ALDH18A1: variants seen among roughly 807,000 people sequenced by gnomAD.
ALDH18A1 encodes delta-1-pyrroline-5-carboxylate synthase.
A neutral mutation model predicts 88.8 loss-of-function variants in ALDH18A1; 44 were observed. The ratio of observed to expected loss-of-function variants is 0.50; its 90% CI spans 0.39 to 0.64. The LOEUF (loss-of-function observed/expected upper bound fraction) is 0.64. Ranked by LOEUF, ALDH18A1 falls within the 30% of genes least tolerant of loss-of-function variation. ALDH18A1 has a pLI of 0.00. For missense variants in ALDH18A1, 782 were observed against 1,009.5 expected (o/e 0.77, Z 3.05); for synonymous variants, 331 against 372.1 (o/e 0.89, Z 1.27).
chr10:95,606,638 C>T lies in ALDH18A1; in HGVS notation c.*124G>A. The T allele has an allele frequency of 6.2e-7, 1 of 1,605,720 alleles. No homozygotes were observed. Among genetic ancestry groups the T allele is most frequent in the South Asian group, 1.1e-5 (1 of 90,012 alleles). The stretch of plus-strand genomic sequence containing the variant: ...TTGCCAAACGGAGCCCAGAAGCATC[C>T]AGGTACACTTTCCAACAGGCAGACC... On this transcript the variant is annotated 3_prime_UTR_variant, in exon 18 of 18. Coordinates refer to ENST00000371224, the MANE Select transcript of ALDH18A1 (RefSeq NM_002860.4).
intron 5 of ALDH18A1, among the ~76,000 whole-genome samples, chr10:95,636,009 C>G (rs1463366041): frequency 6.6e-6 from 1 of 152,086 alleles, no homozygotes; most frequent in Non-Finnish European, 1.5e-5. Flanking sequence ...AGAAAAAAAG[C>G]TAAGACTACA....
chr10:95,628,510 G>A lies in ALDH18A1; in HGVS notation c.809-18C>T, dbSNP rs778442273. On this transcript the variant is annotated intron_variant, in intron 7 of 17. Coordinates refer to ENST00000371224, the MANE Select transcript of ALDH18A1 (RefSeq NM_002860.4). ...AAAAAGGCCTAAAAAATAGACAAGAGTCAGTAATACTGCTTTGATGGAAGT... is the reference window on the plus strand; with the variant it reads ...AAAAAGGCCTAAAAAATAGACAAGAATCAGTAATACTGCTTTGATGGAAGT... 1 of 1,611,186 alleles carries A rather than the reference G, an allele frequency of 6.2e-7. No individual in the cohort carries two copies. The highest frequency in any genetic ancestry group is 8.5e-7 in the Non-Finnish European group (1 of 1,179,796).
intron 3 of ALDH18A1, among the ~76,000 whole-genome samples, 166 bp downstream of exon 3, chr10:95,642,826 G>A (rs979425655): frequency 2.0e-5 from 3 of 152,144 alleles, no homozygotes; most frequent in East Asian, 1.9e-4. Flanking sequence ...CTAAGATGTC[G>A]TCTCTCACTG....
At chr10:95,646,925 C>T (rs1485131336) in intron 2 of ALDH18A1, among the ~76,000 whole-genome samples, 1 of 152,138 alleles carries the variant, frequency 6.6e-6, no homozygotes, top group Non-Finnish European at 1.5e-5. Flanking sequence ...AATCCTTATG[C>T]CCAGTAACCA....
At chr10:95,607,289 C>T (rs2097824529) in intron 17 of ALDH18A1, among the ~76,000 whole-genome samples, 1 of 152,084 alleles carries the variant, frequency 6.6e-6, no homozygotes, top group Non-Finnish European at 1.5e-5. Context: ...TTGAGGGGTA[C>T]GACAATGTTT....
intron 9 of ALDH18A1, 99 bp downstream of exon 9, chr10:95,627,343 T>C: frequency 1.3e-6 from 2 of 1,490,402 alleles, no homozygotes; most frequent in Non-Finnish European, 1.9e-6. Context: ...AACAATGCCA[T>C]ATTTCATAAT....
intron 2 of ALDH18A1, among the ~76,000 whole-genome samples, chr10:95,644,605 C>T (rs997663465): frequency 2.6e-5 from 4 of 152,204 alleles, no homozygotes; most frequent in African/African-American, 9.7e-5. Context: ...CTTACCCATT[C>T]GCCCTTTCTC....
At chr10:95,641,515 A>T in intron 3 of ALDH18A1, among the ~76,000 whole-genome samples, 1 of 6,588 alleles carries the variant, frequency 1.5e-4, no homozygotes, top group South Asian at 8.3e-3. Flanking sequence ...TTTTTTCTGC[A>T]GGGGCGGGTG....
chr10:95,651,754 C>T (rs1000590412), intron 2 of ALDH18A1, among the ~76,000 whole-genome samples: 4 of 152,224 alleles, frequency 2.6e-5, no homozygotes, highest in East Asian at 1.9e-4. Flanking sequence ...ACACCTCCCA[C>T]AGGCCCCACC....
intron 16 of ALDH18A1, among the ~76,000 whole-genome samples, chr10:95,610,590 C>T (rs1250407261): frequency 6.6e-6 from 1 of 152,214 alleles, no homozygotes. Flanking sequence ...GCCTGAACTC[C>T]AGCTGTACAC....
intron 2 of ALDH18A1, among the ~76,000 whole-genome samples, chr10:95,651,124 C>T (rs892474573): frequency 6.6e-6 from 1 of 151,752 alleles, no homozygotes; most frequent in East Asian, 1.9e-4. Context: ...CAGGGCAAGA[C>T]TCCATCTCAA....
intron 15 of ALDH18A1, among the ~76,000 whole-genome samples, 175 bp downstream of exon 15, chr10:95,613,567 T>C (rs1414016153): frequency 1.3e-5 from 2 of 152,232 alleles, no homozygotes; most frequent in Non-Finnish European, 2.9e-5. Flanking sequence ...TTGGTTCGAC[T>C]ACTAGAGGGC....
intron 3 of ALDH18A1, among the ~76,000 whole-genome samples, chr10:95,639,438 C>T (rs1157287186): frequency 5.9e-5 from 9 of 152,086 alleles, no homozygotes; most frequent in Non-Finnish European, 1.5e-5. Context: ...CCAACTATCT[C>T]TCATGGCCAA....
rs756883553 is a variant in ALDH18A1 at position 95,632,942 on chromosome 10, A to G, written c.808+17T>C. 1.2e-6 allele frequency: 2 copies of G among 1,609,000 alleles called. No homozygotes were observed. The highest frequency in any genetic ancestry group is 8.5e-7 in the Non-Finnish European group (1 of 1,175,292). On this transcript the variant is annotated intron_variant, in intron 7 of 17. Coordinates refer to ENST00000371224, the MANE Select transcript of ALDH18A1 (RefSeq NM_002860.4). ...TAAAACAAAGGGCAGATAAAGGAAA[A>G]AAGCATTACTTTGTACCTTCTACAT...
intron 7 of ALDH18A1, among the ~76,000 whole-genome samples, chr10:95,631,616 G>A (rs1346447955): frequency 1.3e-5 from 2 of 151,736 alleles, no homozygotes; most frequent in African/African-American, 4.8e-5. Context: ...GGTGGCAGGT[G>A]CCTATAATCC....
intron 7 of ALDH18A1, among the ~76,000 whole-genome samples, chr10:95,629,984 CTTT>C (rs952261799): frequency 2.6e-5 from 4 of 151,686 alleles, no homozygotes; most frequent in Non-Finnish European, 4.4e-5. Context: ...AAGAGTGTAG[CTTT>C]TTTAATTGAA....
intron 17 of ALDH18A1, among the ~76,000 whole-genome samples, chr10:95,608,986 C>T (rs1381346071): frequency 6.6e-6 from 1 of 152,072 alleles, no homozygotes; most frequent in Non-Finnish European, 1.5e-5. Context: ...AGCGATTCTC[C>T]TGCCTCAGCC....
chr10:95,634,870 G>C (rs1347383163), intron 5 of ALDH18A1, among the ~76,000 whole-genome samples: 1 of 152,200 alleles, frequency 6.6e-6, no homozygotes, highest in African/African-American at 2.4e-5. Context: ...TTACGGAAGA[G>C]CGTTCTTGCT....
rs1168883740 is a variant in ALDH18A1 at position 95,621,097 on chromosome 10, T to C, written c.1401A>G (p.Glu467=). The change falls in exon 12 of 18, where the codon GAA becomes GAG. Residue 467 remains glutamate, a synonymous_variant. Coordinates refer to ENST00000371224, the MANE Select transcript of ALDH18A1 (RefSeq NM_002860.4). ...RTRIAKNLEL[E]QVTVPIGVLL... ...GAACTCCAATTGGGACAGTCACTTG[T>C]TCCAGTTCCAAGTTTTTGGCGATTC... 2 of 1,614,042 alleles carry C rather than the reference T, an allele frequency of 1.2e-6. No individual in the cohort carries two copies. The highest frequency in any genetic ancestry group is 2.2e-5 in the East Asian group (1 of 44,890).
Sources: gnomAD v4.1 joint callset for allele counts (sites outside exome capture counted in the v4.1 genomes callset) on GRCh38, gnomAD v4.1.1 for gene constraint, MANE v1.5 for transcripts, NCBI Gene and HGNC (gene_info 2026-07-23, HGNC 2026-07-21) for gene names.